Variants in NAALADL2 observed in about 807,000 individuals in gnomAD.
NAALADL2 encodes inactive N-acetylated-alpha-linked acidic dipeptidase-like protein 2.
Under a neutral mutation model 87.2 loss-of-function variants are expected in NAALADL2, and 76 were observed. The observed-to-expected ratio is 0.87, with a 90% confidence interval of 0.72 to 1.05. NAALADL2 has a LOEUF of 1.05. Ranked by LOEUF, NAALADL2 falls within the 50% of genes least tolerant of loss-of-function variation. The pLI, the probability that NAALADL2 is intolerant of heterozygous loss-of-function variation, is 0.00. For missense variants in NAALADL2, 1,089 were observed against 945.8 expected, an observed-to-expected ratio of 1.15 and a Z score of -1.99; for synonymous variants, 354 against 331.0, an observed-to-expected ratio of 1.07 and a Z score of -0.75.
chr3:174,891,697 T>A (rs1730888500), intron 1 of NAALADL2, among the ~76,000 whole-genome samples: 1 of 152,138 alleles, frequency 6.6e-6, no homozygotes, highest in Non-Finnish European at 1.5e-5. Flanking sequence ...GCTCTTGGTC[T>A]CTAAGTAAAC....
intron 9 of NAALADL2, among the ~76,000 whole-genome samples, chr3:175,503,703 GC>G (rs146943833): frequency 0.19 from 28,476 of 152,112 alleles, 2,882 homozygotes; most frequent in African/African-American, 0.24. Context: ...GTTTTCACAT[GC>G]TTGTTGGCTA....
chr3:174,533,563 T>C (rs1721439217), intron 1 of NAALADL2, among the ~76,000 whole-genome samples: 1 of 138,888 alleles, frequency 7.2e-6, no homozygotes, highest in South Asian at 2.3e-4. Flanking sequence ...TATTGTTAAA[T>C]AAACAATACA....
At chr3:175,364,393 G>T (rs1168569665) in intron 5 of NAALADL2, among the ~76,000 whole-genome samples, 1 of 147,860 alleles carries the variant, frequency 6.8e-6, no homozygotes, top group African/African-American at 2.5e-5. Context: ...AGAAAAGATG[G>T]CAGGAGAAAT....
At chr3:175,323,677 G>C (rs1325596480) in intron 4 of NAALADL2, among the ~76,000 whole-genome samples, 8 of 150,460 alleles carry the variant, frequency 5.3e-5, no homozygotes. Flanking sequence ...AAAAAGGCCA[G>C]TAGAAAAAGC....
intron 5 of NAALADL2, among the ~76,000 whole-genome samples, chr3:175,405,746 G>C (rs1031251638): frequency 6.6e-6 from 1 of 152,092 alleles, no homozygotes; most frequent in Non-Finnish European, 1.5e-5. Flanking sequence ...GTCAGGCCTT[G>C]TGTTACATTG....
chr3:175,133,679 C>G (rs1728618373), intron 2 of NAALADL2, among the ~76,000 whole-genome samples: 2 of 152,138 alleles, frequency 1.3e-5, no homozygotes, highest in Admixed American at 6.5e-5. Flanking sequence ...GCAGTACAGT[C>G]CAGCTTCGGC....
At chr3:175,028,429 T>C (rs1482342266) in intron 1 of NAALADL2, among the ~76,000 whole-genome samples, 2 of 152,232 alleles carry the variant, frequency 1.3e-5, no homozygotes, top group African/African-American at 2.4e-5. Flanking sequence ...ATTCCCGGTA[T>C]GTCCTTAGCA....
At chr3:175,522,608 GCTAGTCATGTAAAAA>G (rs1185250793) in intron 9 of NAALADL2, among the ~76,000 whole-genome samples, 1 of 152,138 alleles carries the variant, frequency 6.6e-6, no homozygotes, top group Non-Finnish European at 1.5e-5. Context: ...GTTGAAAGTT[GCTAGTCATGTAAAAA>G]CAACAAATCT....
At chr3:175,307,836 C>T (rs1349148043) in intron 4 of NAALADL2, among the ~76,000 whole-genome samples, 1 of 152,134 alleles carries the variant, frequency 6.6e-6, no homozygotes, top group East Asian at 1.9e-4. Context: ...AAACACCTCA[C>T]AATGTTCTGT....
chr3:175,490,215 G>A (rs970681672), intron 9 of NAALADL2, among the ~76,000 whole-genome samples: 1 of 152,098 alleles, frequency 6.6e-6, no homozygotes, highest in Non-Finnish European at 1.5e-5. Context: ...ATGGTGTGAA[G>A]ATAGGTCAGA....
At chr3:175,060,997 G>C (rs1345431621) in intron 1 of NAALADL2, among the ~76,000 whole-genome samples, 6 of 152,148 alleles carry the variant, frequency 3.9e-5, no homozygotes, top group Admixed American at 3.9e-4. Flanking sequence ...AGTGAGCTGA[G>C]ATCGTGCCAT....
intron 2 of NAALADL2, among the ~76,000 whole-genome samples, chr3:174,716,644 A>G (rs2108935736): frequency 6.6e-6 from 1 of 151,988 alleles, no homozygotes; most frequent in Middle Eastern, 3.4e-3. Flanking sequence ...CTAAGATTAA[A>G]AAAAAAAATA....
chr3:175,517,918 G>A (rs1377504371), intron 9 of NAALADL2, among the ~76,000 whole-genome samples: 4 of 152,240 alleles, frequency 2.6e-5, no homozygotes, highest in South Asian at 2.1e-4. Context: ...TACATAATGC[G>A]TGGGGAAGGC....
chr3:174,665,209 T>C (rs1444645148), intron 2 of NAALADL2, among the ~76,000 whole-genome samples: 1 of 152,124 alleles, frequency 6.6e-6, no homozygotes, highest in Admixed American at 6.5e-5. Flanking sequence ...ATAGAGATTT[T>C]CTGCTAACAA....
At chr3:174,933,485 G>T (rs1296130096) in intron 1 of NAALADL2, among the ~76,000 whole-genome samples, 1 of 152,080 alleles carries the variant, frequency 6.6e-6, no homozygotes, top group Non-Finnish European at 1.5e-5. Context: ...CTCATTATAG[G>T]TTCTGACACT....
At chr3:175,714,370 C>T (rs999829833) in intron 11 of NAALADL2, among the ~76,000 whole-genome samples, 1 of 152,158 alleles carries the variant, frequency 6.6e-6, no homozygotes, top group East Asian at 1.9e-4. Flanking sequence ...ATCCCTATTT[C>T]TCCACATCCT....
At chr3:174,573,824 G>C (rs1306639050) in intron 2 of NAALADL2, among the ~76,000 whole-genome samples, 1 of 152,048 alleles carries the variant, frequency 6.6e-6, no homozygotes, top group Non-Finnish European at 1.5e-5. Context: ...CTCCCAGCAG[G>C]CCCCACCTCC....
At chr3:174,835,860 G>A (rs1028571296) in intron 3 of NAALADL2, among the ~76,000 whole-genome samples, 2 of 152,096 alleles carry the variant, frequency 1.3e-5, no homozygotes, top group African/African-American at 4.8e-5. Flanking sequence ...AACAAGTATT[G>A]GTTAAAATGT....
At position 175,247,579 on chromosome 3, in the gene NAALADL2, G is replaced by A. The variant is rs560103267; in HGVS notation, c.820-8832G>A. 3.4e-3 allele frequency among the ~76,000 whole-genome samples: 185 copies of A among 54,422 alleles called. 1 individual carries two copies. The highest frequency in any genetic ancestry group is 1.0e-2 in the African/African-American group (164 of 16,468). 35.7% of individuals were successfully genotyped at this position (54,422 alleles called of 152,430 possible). A position where few individuals can be genotyped will look rare whatever the true frequency, so the allele number is the denominator to read the frequency against. On this transcript the variant is annotated intron_variant, in intron 3 of 13. Transcript: ENST00000454872. ...GGGACATATACAACTCCAGCTAGTC[G>A]CTGGTAGTTGTGCCAGGGAGAAAGT...
Sources: gnomAD v4.1 joint callset for allele counts (sites outside exome capture counted in the v4.1 genomes callset) on GRCh38, gnomAD v4.1.1 for gene constraint, MANE v1.5 for transcripts, NCBI Gene and HGNC (gene_info 2026-07-23, HGNC 2026-07-21) for gene names.